The following PRTFDC1 variants were observed in gnomAD, a reference collection of about 807,000 sequenced individuals.
PRTFDC1 encodes the protein phosphoribosyltransferase domain-containing protein 1.
Under a neutral mutation model 34.6 loss-of-function variants are expected in PRTFDC1, and 38 were observed. The ratio of observed to expected loss-of-function variants is 1.10; its 90% CI spans 0.85 to 1.44. The LOEUF (loss-of-function observed/expected upper bound fraction) is 1.44, where lower values mean the gene tolerates loss of function less well. Among genes scored for constraint, PRTFDC1 ranks in the 40% most tolerant of loss-of-function variants. The probability of loss-of-function intolerance (pLI) is 0.00; values close to 1 mark genes in which losing one functional copy is unlikely to be tolerated. For missense variants in PRTFDC1, 270 were observed against 283.0 expected (o/e 0.95, Z 0.33); for synonymous variants, 93 against 98.1 (o/e 0.95, Z 0.31).
At chr10:24,929,689 T>C (rs976495562) in intron 3 of PRTFDC1, among the ~76,000 whole-genome samples, 1 of 152,182 alleles carries the variant, frequency 6.6e-6, no homozygotes, top group African/African-American at 2.4e-5. Flanking sequence ...TCACATTGGA[T>C]TGCATATAAA....
chr10:24,907,709 T>C (rs1368113696), intron 3 of PRTFDC1, among the ~76,000 whole-genome samples: 1 of 152,226 alleles, frequency 6.6e-6, no homozygotes, highest in Non-Finnish European at 1.5e-5. Context: ...TACACTTCAT[T>C]TGAGTTCTGA....
chr10:24,851,633 C>G (rs922063312), intron 7 of PRTFDC1, among the ~76,000 whole-genome samples, 169 bp from the exon 8 acceptor site: 1 of 151,650 alleles, frequency 6.6e-6, no homozygotes. Context: ...GGACCTGGAC[C>G]CGAAGGACTA....
chr10:24,921,274 C>T (rs534347746), intron 3 of PRTFDC1, among the ~76,000 whole-genome samples: 7 of 152,172 alleles, frequency 4.6e-5, no homozygotes, highest in Admixed American at 4.6e-4. Context: ...TTACACACGC[C>T]AATGTGAATT....
intron 3 of PRTFDC1, among the ~76,000 whole-genome samples, chr10:24,892,013 C>T: frequency 6.6e-6 from 1 of 152,170 alleles, no homozygotes; most frequent in South Asian, 2.1e-4. Flanking sequence ...CATCTTCATT[C>T]ATCTGTTGAT....
chr10:24,914,385 A>C (rs1051804328), intron 3 of PRTFDC1, among the ~76,000 whole-genome samples: 3 of 152,202 alleles, frequency 2.0e-5, no homozygotes, highest in African/African-American at 7.2e-5. Context: ...TTTGTGAACT[A>C]GGGAGAATAA....
At chr10:24,857,023 C>T in intron 5 of PRTFDC1, 28 bp from the exon 6 acceptor site, 2 of 1,559,828 alleles carry the variant, frequency 1.3e-6, no homozygotes, top group South Asian at 2.2e-5. Flanking sequence ...ATAAATTCAA[C>T]AAAATGCATT....
chr10:24,856,855 T>C, intron 6 of PRTFDC1, 58 bp downstream of exon 6: 2 of 1,407,620 alleles, frequency 1.4e-6, no homozygotes, highest in Non-Finnish European at 2.0e-6. Flanking sequence ...TGTGTTAGCA[T>C]CCCTTTTGGG....
chr10:24,891,561 G>A (rs1187444057), intron 3 of PRTFDC1, among the ~76,000 whole-genome samples: 2 of 151,982 alleles, frequency 1.3e-5, no homozygotes, highest in African/African-American at 4.8e-5. Flanking sequence ...GGGGAGCTGA[G>A]GCAGGATGAT....
intron 3 of PRTFDC1, among the ~76,000 whole-genome samples, chr10:24,927,581 A>ATTT (rs5783910): frequency 0.13 from 17,993 of 133,640 alleles, 1,524 homozygotes; most frequent in East Asian, 0.26. Context: ...GCGGGACCCA[A>ATTT]TTTTTTTTTT....
chr10:24,885,802 T>C (rs752902470), intron 3 of PRTFDC1, among the ~76,000 whole-genome samples: 5 of 152,252 alleles, frequency 3.3e-5, no homozygotes, highest in Non-Finnish European at 7.3e-5. Context: ...TGCAACGTAT[T>C]ACTATTCAGT....
intron 3 of PRTFDC1, among the ~76,000 whole-genome samples, chr10:24,929,678 C>T (rs985317352): frequency 6.6e-6 from 1 of 152,156 alleles, no homozygotes; most frequent in South Asian, 2.1e-4. Context: ...ACACTTTATC[C>T]TCACATTGGA....
intron 3 of PRTFDC1, among the ~76,000 whole-genome samples, chr10:24,931,095 A>G (rs1018511414): frequency 6.6e-5 from 10 of 152,168 alleles, no homozygotes; most frequent in Non-Finnish European, 1.2e-4. Context: ...ACAATACAGG[A>G]ATTATGTATG....
intron 3 of PRTFDC1, among the ~76,000 whole-genome samples, chr10:24,895,535 G>A (rs865978018): frequency 6.0e-5 from 9 of 151,060 alleles, no homozygotes; most frequent in Admixed American, 2.6e-4. Flanking sequence ...ACAGGTGTGA[G>A]CCACCACGCC....
chr10:24,854,532 G>C (rs1011919051), intron 7 of PRTFDC1, among the ~76,000 whole-genome samples: 2 of 151,228 alleles, frequency 1.3e-5, no homozygotes, highest in Non-Finnish European at 2.9e-5. Context: ...TGGAGCAAAT[G>C]TAAGTTATAA....
At chr10:24,871,069 T>TAAAAA (rs11314430) in intron 4 of PRTFDC1, among the ~76,000 whole-genome samples, 13 of 103,106 alleles carry the variant, frequency 1.3e-4, no homozygotes, top group East Asian at 2.8e-4. Flanking sequence ...AGACTCTGTC[T>TAAAAA]AAAAAAAAAA....
At chr10:24,887,470 C>T (rs796534651) in intron 3 of PRTFDC1, among the ~76,000 whole-genome samples, 14 of 131,694 alleles carry the variant, frequency 1.1e-4, no homozygotes, top group Non-Finnish European at 2.2e-4. Context: ...GGCTTCCCCC[C>T]TCTCCCTTCG....
At position 24,849,514 on chromosome 10, in the gene PRTFDC1, G is replaced by T. The variant is rs911129289; in HGVS notation, c.*330C>A. The T allele has an allele frequency of 2.2e-5, 5 of 222,796 alleles. No individual in the cohort carries two copies. Among genetic ancestry groups the T allele is most frequent in the African/African-American group, 9.1e-5 (4 of 44,156 alleles). 13.8% of individuals were successfully genotyped at this position (222,796 alleles called of 1,614,324 possible). A position where few individuals can be genotyped will look rare whatever the true frequency, so the allele number is the denominator to read the frequency against. On this transcript the variant is annotated 3_prime_UTR_variant, in exon 9 of 9. Transcript: ENST00000320152. ...AAAATATTTGAGTAACTAGGTGGGG[G>T]TATTCCTGGGAATACTAATCAAATA...
intron 1 of PRTFDC1, among the ~76,000 whole-genome samples, chr10:24,950,634 G>C (rs1304636029): frequency 1.3e-5 from 2 of 151,848 alleles, no homozygotes; most frequent in Non-Finnish European, 2.9e-5. Flanking sequence ...ATGACCTCTT[G>C]ACCCCGCCCC....
chr10:24,910,033 T>C (rs1848604072), intron 3 of PRTFDC1, among the ~76,000 whole-genome samples: 1 of 149,390 alleles, frequency 6.7e-6, no homozygotes, highest in Non-Finnish European at 1.5e-5. Context: ...TGGTGGTACA[T>C]GCCTGTAACC....
Sources: gnomAD v4.1 joint callset for allele counts (sites outside exome capture counted in the v4.1 genomes callset) on GRCh38, gnomAD v4.1.1 for gene constraint, MANE v1.5 for transcripts, NCBI Gene and HGNC (gene_info 2026-07-23, HGNC 2026-07-21) for gene names.